THEM4: variants seen among roughly 807,000 people sequenced by gnomAD.
THEM4 encodes the protein acyl-coenzyme A thioesterase THEM4.
A neutral mutation model predicts 25.0 loss-of-function variants in THEM4; 22 were observed. The observed-to-expected ratio is 0.88, with a 90% CI of 0.63 to 1.26. THEM4 has a LOEUF of 1.26. Among genes scored for constraint, THEM4 ranks in the 50% most tolerant of loss-of-function variants. THEM4 has a pLI of 0.00. For synonymous variants in THEM4, 113 were observed against 105.6 expected, an observed-to-expected ratio of 1.07 and a Z score of -0.43; for missense variants, 286 against 300.3, an observed-to-expected ratio of 0.95 and a Z score of 0.35.
At chr1:151,889,492 A>C in intron 2 of THEM4, 119 bp from the exon 3 acceptor site, 6 of 1,045,966 alleles carry the variant, frequency 5.7e-6, no homozygotes, top group Non-Finnish European at 5.5e-6. Flanking sequence ...TCAAATGTCC[A>C]CAGGGTGCAA....
At chr1:151,884,202 TAA>T (rs1386841575) in intron 4 of THEM4, among the ~76,000 whole-genome samples, 1 of 151,736 alleles carries the variant, frequency 6.6e-6, no homozygotes, top group African/African-American at 2.4e-5. Context: ...AGCTTCTGAT[TAA>T]AAAAAATACA....
chr1:151,908,038 C>T (rs1396155003), intron 1 of THEM4, among the ~76,000 whole-genome samples: 2 of 152,228 alleles, frequency 1.3e-5, no homozygotes, highest in Non-Finnish European at 2.9e-5. Flanking sequence ...CTAGCTCTGT[C>T]CCACAGCAAT....
chr1:151,903,017 A>G (rs1358881184), intron 1 of THEM4, among the ~76,000 whole-genome samples: 1 of 152,182 alleles, frequency 6.6e-6, no homozygotes, highest in Non-Finnish European at 1.5e-5. Flanking sequence ...ACTCTACAGA[A>G]TAAAAACGTC....
At chr1:151,909,273 G>T in intron 1 of THEM4, 87 bp downstream of exon 1, 1 of 1,131,868 alleles carries the variant, frequency 8.8e-7, no homozygotes, top group Non-Finnish European at 1.2e-6. Context: ...GGCTGGTTGG[G>T]GTATGGATAA....
At chr1:151,881,569 C>T (rs1258307963) in intron 4 of THEM4, among the ~76,000 whole-genome samples, 1 of 152,136 alleles carries the variant, frequency 6.6e-6, no homozygotes, top group Non-Finnish European at 1.5e-5. Flanking sequence ...CATTTTTGAA[C>T]TTTAGCTTTG....
chr1:151,873,905 T>C lies in THEM4; in HGVS notation c.*983A>G, dbSNP rs1653609820. 6.6e-6 allele frequency: 1 copy of C among 152,230 alleles called. No individual in the cohort carries two copies. Among genetic ancestry groups the C allele is most frequent in the Non-Finnish European group, 1.5e-5 (1 of 68,056 alleles). The allele number at this position is 152,230 out of a possible 1,614,324, so 9.4% of individuals were successfully genotyped here. ...GGTCAACACCTTGATTTTGAACTTC[T>C]GGCCTCCAGAACTGAGAGACAATGA... On this transcript the variant is annotated 3_prime_UTR_variant, in exon 6 of 6. Coordinates refer to ENST00000368814, the MANE Select transcript of THEM4 (RefSeq NM_053055.5).
At chr1:151,895,227 T>C in intron 1 of THEM4, 33 bp from the exon 2 acceptor site, 2 of 1,525,120 alleles carry the variant, frequency 1.3e-6, no homozygotes, top group Middle Eastern at 1.7e-4. Flanking sequence ...AAGTAAGTAA[T>C]GGGAGGTGCA....
chr1:151,904,046 G>A (rs1011750017), intron 1 of THEM4, among the ~76,000 whole-genome samples: 6 of 152,158 alleles, frequency 3.9e-5, no homozygotes, highest in Admixed American at 1.3e-4. Flanking sequence ...GGCATAGAAC[G>A]GATGACTTTC....
intron 4 of THEM4, among the ~76,000 whole-genome samples, chr1:151,878,156 C>A (rs543159319): frequency 6.6e-6 from 1 of 152,314 alleles, no homozygotes; most frequent in Admixed American, 6.5e-5. Flanking sequence ...CTTCATTTAT[C>A]CATCCCCTAC....
chr1:151,879,106 T>C (rs1246219499), intron 4 of THEM4, among the ~76,000 whole-genome samples: 2 of 152,156 alleles, frequency 1.3e-5, no homozygotes, highest in African/African-American at 4.8e-5. Flanking sequence ...AATAACTTTA[T>C]GTCAATACAT....
intron 1 of THEM4, among the ~76,000 whole-genome samples, chr1:151,905,854 G>A (rs550517955): frequency 2.0e-5 from 3 of 152,352 alleles, no homozygotes; most frequent in African/African-American, 7.2e-5. Context: ...GGCTGCGGCC[G>A]TCTGGGCACC....
chr1:151,880,825 C>A (rs1220464598), intron 4 of THEM4, among the ~76,000 whole-genome samples: 1 of 152,084 alleles, frequency 6.6e-6, no homozygotes, highest in Non-Finnish European at 1.5e-5. Context: ...ATATTATAAT[C>A]TGTCTTTGAA....
At chr1:151,880,585 C>T (rs527878828) in intron 4 of THEM4, among the ~76,000 whole-genome samples, 9 of 152,208 alleles carry the variant, frequency 5.9e-5, no homozygotes, top group African/African-American at 1.9e-4. Context: ...CTTTATTAGA[C>T]GCATATTGAT....
At chr1:151,881,470 G>A (rs1465245822) in intron 4 of THEM4, among the ~76,000 whole-genome samples, 1 of 152,080 alleles carries the variant, frequency 6.6e-6, no homozygotes, top group Admixed American at 6.6e-5. Flanking sequence ...TCTTTCTAAA[G>A]TCCACCATTT....
chr1:151,894,872 T>C (rs540729684), intron 2 of THEM4, 136 bp downstream of exon 2: 1 of 975,656 alleles, frequency 1.0e-6, no homozygotes. Context: ...ATTTCTGGTC[T>C]ATAAAATTGG....
intron 2 of THEM4, among the ~76,000 whole-genome samples, chr1:151,892,906 G>A (rs1488479936): frequency 6.6e-6 from 1 of 152,188 alleles, no homozygotes; most frequent in Non-Finnish European, 1.5e-5. Flanking sequence ...GGATGGGGAA[G>A]AGCCAGCCCA....
At chr1:151,881,708 G>T (rs1260461734) in intron 4 of THEM4, among the ~76,000 whole-genome samples, 3 of 152,168 alleles carry the variant, frequency 2.0e-5, no homozygotes, top group African/African-American at 7.2e-5. Context: ...AAGCAAGACT[G>T]CTTTGTAATG....
chr1:151,896,777 C>T (rs918232024), intron 1 of THEM4, among the ~76,000 whole-genome samples: 13 of 152,104 alleles, frequency 8.5e-5, no homozygotes, highest in Non-Finnish European at 1.9e-4. Context: ...ACTAGGGTAA[C>T]TCAGGTGAGA....
At chr1:151,890,543 C>A in intron 2 of THEM4, 1 of 176,772 alleles carries the variant, frequency 5.7e-6, no homozygotes, top group Non-Finnish European at 1.2e-5. Flanking sequence ...ATGAGAAGAT[C>A]CAGGAGAAGT....
Sources: gnomAD v4.1 joint callset for allele counts (sites outside exome capture counted in the v4.1 genomes callset) on GRCh38, gnomAD v4.1.1 for gene constraint, MANE v1.5 for transcripts, NCBI Gene and HGNC (gene_info 2026-07-23, HGNC 2026-07-21) for gene names.